Variants in MEI4 observed in about 807,000 individuals in gnomAD.
MEI4 encodes the protein meiotic double-stranded break formation protein 4.
In MEI4, 27 loss-of-function variants were observed where a neutral mutation model predicts 31.4. That is an observed-to-expected ratio of 0.86 (90% CI 0.63 to 1.19). The LOEUF is 1.19. Ranked by LOEUF, MEI4 falls within the 50% of genes most tolerant of loss-of-function variation. The pLI, the probability that MEI4 is intolerant of heterozygous loss-of-function variation, is 0.00. For missense variants in MEI4, 329 were observed against 398.9 expected (o/e 0.82, Z 1.49); for synonymous variants, 122 against 145.4 (o/e 0.84, Z 1.16).
intron 2 of MEI4, among the ~76,000 whole-genome samples, chr6:77,742,848 G>T (rs1767454535): frequency 6.6e-6 from 1 of 152,054 alleles, no homozygotes; most frequent in African/African-American, 2.4e-5. Context: ...TGGCTAGCCA[G>T]TTTTCCCAGC....
In MEI4 at chr6:77,806,364, C is replaced by T. The variant is rs191890350; in HGVS notation, c.769-22567C>T. On this transcript the variant is annotated intron_variant, in intron 3 of 4. Coordinates refer to ENST00000684080, the MANE Select transcript of MEI4 (RefSeq NM_001322247.2). ...GTGTTTTGGAGTACCTAGAAATGCCCTTGATAAACCCTTTGGTTACAGGTT... is the reference window on the plus strand; with the variant it reads ...GTGTTTTGGAGTACCTAGAAATGCCTTTGATAAACCCTTTGGTTACAGGTT... Among the ~76,000 whole-genome samples the T allele has an allele frequency of 1.4e-3, 213 of 152,116 alleles. 1 individual carries two copies. The highest frequency in any genetic ancestry group is 4.5e-3 in the African/African-American group (187 of 41,536).
At chr6:77,906,531 C>T (rs560592951) in intron 4 of MEI4, among the ~76,000 whole-genome samples, 1 of 152,310 alleles carries the variant, frequency 6.6e-6, no homozygotes, top group South Asian at 2.1e-4. Flanking sequence ...CCTTTAATAA[C>T]AATCACTACT....
intron 3 of MEI4, among the ~76,000 whole-genome samples, chr6:77,798,251 A>G (rs978615430): frequency 1.8e-4 from 27 of 151,782 alleles, no homozygotes; most frequent in Non-Finnish European, 3.4e-4. Context: ...GGAATAAAAA[A>G]TAAATGAGAA....
chr6:77,697,821 T>G (rs535752923), intron 2 of MEI4, among the ~76,000 whole-genome samples: 1 of 152,324 alleles, frequency 6.6e-6, no homozygotes, highest in South Asian at 2.1e-4. Flanking sequence ...CTGGGTATCC[T>G]TGTTAACTTT....
At chr6:77,744,346 A>T (rs1021686309) in intron 2 of MEI4, among the ~76,000 whole-genome samples, 2 of 152,204 alleles carry the variant, frequency 1.3e-5, no homozygotes, top group Non-Finnish European at 2.9e-5. Context: ...AGCCGATGCA[A>T]TCAACTGGAA....
intron 4 of MEI4, among the ~76,000 whole-genome samples, chr6:77,846,088 GT>G (rs1301771324): frequency 6.6e-6 from 1 of 151,482 alleles, no homozygotes; most frequent in Non-Finnish European, 1.5e-5. Context: ...TAATTCTTGA[GT>G]TTATCTTCAA....
intron 4 of MEI4, among the ~76,000 whole-genome samples, chr6:77,869,414 T>A (rs1309764550): frequency 6.6e-6 from 1 of 152,162 alleles, no homozygotes; most frequent in Non-Finnish European, 1.5e-5. Context: ...TCCTTTAGGA[T>A]GTGCCCTAAT....
chr6:77,713,678 CATTA>C (rs1183598132), intron 2 of MEI4, among the ~76,000 whole-genome samples: 1 of 152,174 alleles, frequency 6.6e-6, no homozygotes, highest in African/African-American at 2.4e-5. Flanking sequence ...TTGTGAGTTA[CATTA>C]ATGGAACTTG....
chr6:77,896,102 C>G (rs1766079535), intron 4 of MEI4, among the ~76,000 whole-genome samples: 1 of 152,086 alleles, frequency 6.6e-6, no homozygotes, highest in African/African-American at 2.4e-5. Context: ...TAATTTAAGA[C>G]AGTGGTACTG....
intron 4 of MEI4, among the ~76,000 whole-genome samples, chr6:77,874,506 C>G (rs1771281149): frequency 6.6e-6 from 1 of 152,160 alleles, no homozygotes; most frequent in Non-Finnish European, 1.5e-5. Flanking sequence ...AGATTTTGGG[C>G]TGAGACAATG....
chr6:77,654,807 C>T (rs951382683), intron 1 of MEI4, among the ~76,000 whole-genome samples: 3 of 152,018 alleles, frequency 2.0e-5, no homozygotes, highest in Non-Finnish European at 4.4e-5. Context: ...CTCTGTTCTT[C>T]AGACAGTAAG....
At chr6:77,700,212 G>T (rs556531503) in intron 2 of MEI4, among the ~76,000 whole-genome samples, 1 of 152,338 alleles carries the variant, frequency 6.6e-6, no homozygotes, top group South Asian at 2.1e-4. Context: ...ACCGGGGCAG[G>T]CAGGCCTCCT....
intron 1 of MEI4, among the ~76,000 whole-genome samples, chr6:77,675,556 G>C (rs1262562966): frequency 1.3e-5 from 2 of 149,294 alleles, no homozygotes; most frequent in African/African-American, 5.0e-5. Flanking sequence ...TTAAAAAAAA[G>C]GTTGAGTCAA....
At chr6:77,787,032 C>G (rs1407202884) in intron 3 of MEI4, among the ~76,000 whole-genome samples, 5 of 152,138 alleles carry the variant, frequency 3.3e-5, no homozygotes, top group Non-Finnish European at 7.4e-5. Flanking sequence ...TGAAATGGTC[C>G]TGTATTTTGG....
At chr6:77,655,310 G>A (rs989820978) in intron 1 of MEI4, among the ~76,000 whole-genome samples, 18 of 152,142 alleles carry the variant, frequency 1.2e-4, no homozygotes, top group South Asian at 4.1e-4. Flanking sequence ...TATCATTGAT[G>A]GGCATTTGGC....
At chr6:77,848,732 C>A (rs1052787238) in intron 4 of MEI4, among the ~76,000 whole-genome samples, 1 of 152,140 alleles carries the variant, frequency 6.6e-6, no homozygotes, top group Non-Finnish European at 1.5e-5. Flanking sequence ...GTCAAGGAGA[C>A]AAAAGGTAGT....
intron 4 of MEI4, among the ~76,000 whole-genome samples, chr6:77,912,085 G>A (rs1766446939): frequency 6.6e-6 from 1 of 151,972 alleles, no homozygotes; most frequent in Admixed American, 6.6e-5. Flanking sequence ...TAATGTGGGT[G>A]TCCTTTTCCC....
At position 77,872,087 on chromosome 6, in the gene MEI4, A is replaced by G. The variant is rs912407903; in HGVS notation, c.900+43025A>G. Among the ~76,000 whole-genome samples the G allele has an allele frequency of 2.6e-5, 4 of 152,284 alleles. No individual in the cohort carries two copies. In the South Asian group the frequency reaches 6.2e-4, roughly 24 times the overall value. The stretch of plus-strand genomic sequence containing the variant: ...AGTAATATAAGGAAACAGGAAAAAC[A>G]TGGTACCAATATTTCTTCAGCTCCC... On this transcript the variant is annotated intron_variant, in intron 4 of 4. Transcript: ENST00000684080.
intron 4 of MEI4, among the ~76,000 whole-genome samples, chr6:77,891,302 CAT>C (rs1771761631): frequency 6.6e-6 from 1 of 152,162 alleles, no homozygotes; most frequent in Non-Finnish European, 1.5e-5. Context: ...TCTGGTGTCT[CAT>C]ATATCATATA....
Sources: allele counts gnomAD v4.1 joint callset (sites outside exome capture counted in the v4.1 genomes callset), GRCh38; gene constraint gnomAD v4.1.1; transcripts MANE v1.5; gene names NCBI Gene and HGNC (gene_info 2026-07-23, HGNC 2026-07-21).